The following PLPPR1 variants were observed in gnomAD, a reference collection of about 807,000 sequenced individuals.
PLPPR1 encodes phospholipid phosphatase-related protein type 1.
Under a neutral mutation model 33.1 loss-of-function variants are expected in PLPPR1, and 10 were observed. The ratio of observed to expected loss-of-function variants is 0.30; its 90% CI spans 0.19 to 0.51. PLPPR1 has a LOEUF of 0.51. PLPPR1 is among the 20% of genes least tolerant of loss of function. The probability of loss-of-function intolerance (pLI) is 0.97; values close to 1 mark genes in which losing one functional copy is unlikely to be tolerated. For synonymous variants in PLPPR1, 151 were observed against 151.0 expected, an observed-to-expected ratio of 1.00 and a Z score of 0.00; for missense variants, 304 against 408.1, an observed-to-expected ratio of 0.74 and a Z score of 2.20.
intron 2 of PLPPR1, among the ~76,000 whole-genome samples, chr9:101,219,449 C>T (rs1013120575): frequency 7.2e-5 from 11 of 152,228 alleles, no homozygotes; most frequent in Non-Finnish European, 1.0e-4. Context: ...TGCTCTCTAT[C>T]TAGGAATATC....
At chr9:101,222,580 A>G (rs762309830) in intron 2 of PLPPR1, among the ~76,000 whole-genome samples, 3 of 152,200 alleles carry the variant, frequency 2.0e-5, no homozygotes, top group Non-Finnish European at 4.4e-5. Context: ...AGGACATTTT[A>G]CACTAACAAA....
intron 4 of PLPPR1, among the ~76,000 whole-genome samples, chr9:101,298,657 C>A (rs540357502): frequency 3.3e-5 from 5 of 152,150 alleles, no homozygotes; most frequent in African/African-American, 1.2e-4. Flanking sequence ...ATTCAACCTT[C>A]AATGAAATAG....
chr9:101,217,061 T>G (rs1015396827), intron 2 of PLPPR1, among the ~76,000 whole-genome samples: 1 of 152,200 alleles, frequency 6.6e-6, no homozygotes, highest in Non-Finnish European at 1.5e-5. Context: ...TAAAGTAGAT[T>G]AGCGTATAAC....
chr9:101,298,971 A>C (rs7030643), intron 4 of PLPPR1, among the ~76,000 whole-genome samples: 7,558 of 152,242 alleles, frequency 0.05, 570 homozygotes, highest in African/African-American at 0.16. Context: ...TCCCAGGGAA[A>C]CAGATGCCCA....
At chr9:101,171,018 GGTAAGAGT>G in intron 1 of PLPPR1, among the ~76,000 whole-genome samples, 1 of 152,064 alleles carries the variant, frequency 6.6e-6, no homozygotes, top group African/African-American at 2.4e-5. Context: ...AATATAGAGG[GGTAAGAGT>G]GTTCTAGGCC....
At chr9:101,299,235 G>A (rs1021600418) in intron 4 of PLPPR1, among the ~76,000 whole-genome samples, 5 of 152,186 alleles carry the variant, frequency 3.3e-5, no homozygotes, top group Non-Finnish European at 7.3e-5. Flanking sequence ...AATCTTCAGG[G>A]AACAAAATGG....
At chr9:101,254,697 G>C (rs954711345) in intron 2 of PLPPR1, among the ~76,000 whole-genome samples, 1 of 151,346 alleles carries the variant, frequency 6.6e-6, no homozygotes, top group Admixed American at 6.6e-5. Context: ...GCTTAGAAAA[G>C]TATTAGACAT....
At chr9:101,201,242 C>T (rs1564173997) in intron 2 of PLPPR1, among the ~76,000 whole-genome samples, 1 of 152,130 alleles carries the variant, frequency 6.6e-6, no homozygotes, top group Admixed American at 6.5e-5. Flanking sequence ...TTTTAAAGAT[C>T]CCATCTCTCA....
chr9:101,033,051 A>G (rs1390666325), intron 1 of PLPPR1, among the ~76,000 whole-genome samples: 2 of 152,186 alleles, frequency 1.3e-5, no homozygotes, highest in African/African-American at 2.4e-5. Context: ...ATCTCACTTA[A>G]AGAGCTCATT....
chr9:101,295,026 T>G (rs895427228), intron 4 of PLPPR1, among the ~76,000 whole-genome samples: 2 of 152,202 alleles, frequency 1.3e-5, no homozygotes, highest in African/African-American at 2.4e-5. Context: ...TGTTTGCAGA[T>G]GACATGATTG....
At chr9:101,140,554 T>C (rs945178530) in intron 1 of PLPPR1, among the ~76,000 whole-genome samples, 3 of 152,206 alleles carry the variant, frequency 2.0e-5, no homozygotes, top group Admixed American at 2.0e-4. Flanking sequence ...CCCATTTAAA[T>C]AGCTCTTCAT....
chr9:101,295,074 C>G (rs1828596705), intron 4 of PLPPR1, among the ~76,000 whole-genome samples: 1 of 152,134 alleles, frequency 6.6e-6, no homozygotes, highest in Non-Finnish European at 1.5e-5. Context: ...CCCAAAATCT[C>G]CTTAAGCTGA....
intron 1 of PLPPR1, among the ~76,000 whole-genome samples, chr9:101,171,214 G>T (rs4742808): frequency 0.37 from 55,779 of 151,828 alleles, 10,855 homozygotes; most frequent in Non-Finnish European, 0.43. Flanking sequence ...GGAGAATGAG[G>T]TATTTGTGAT....
chr9:101,209,148 G>A (rs1826639999), intron 2 of PLPPR1, among the ~76,000 whole-genome samples: 1 of 152,194 alleles, frequency 6.6e-6, no homozygotes, highest in South Asian at 2.1e-4. Context: ...AGTCTGTGGG[G>A]TAGGGCCCAG....
At chr9:101,260,775 G>A (rs902564452) in intron 2 of PLPPR1, among the ~76,000 whole-genome samples, 1 of 152,144 alleles carries the variant, frequency 6.6e-6, no homozygotes, top group Non-Finnish European at 1.5e-5. Flanking sequence ...TGGAAGCCAC[G>A]AAAAGAGATG....
chr9:101,146,100 C>T (rs1002031663), intron 1 of PLPPR1, among the ~76,000 whole-genome samples: 1 of 152,138 alleles, frequency 6.6e-6, no homozygotes, highest in Non-Finnish European at 1.5e-5. Context: ...TACTACTTCC[C>T]TCTGTCTCCC....
chr9:101,133,201 T>C (rs1406739516), intron 1 of PLPPR1, among the ~76,000 whole-genome samples: 1 of 152,216 alleles, frequency 6.6e-6, no homozygotes, highest in Non-Finnish European at 1.5e-5. Context: ...GGTCTGTCTC[T>C]CTTATATTAC....
chr9:101,033,272 G>A (rs531940368), intron 1 of PLPPR1, among the ~76,000 whole-genome samples: 1 of 152,326 alleles, frequency 6.6e-6, no homozygotes, highest in East Asian at 1.9e-4. Context: ...GCAAATCCAA[G>A]ATAGCACTTC....
chr9:101,239,932 G>C (rs1372543586), intron 2 of PLPPR1, among the ~76,000 whole-genome samples: 1 of 151,916 alleles, frequency 6.6e-6, no homozygotes, highest in Non-Finnish European at 1.5e-5. Context: ...TGTTGTTGTT[G>C]CCTGTGCTTT....
Sources: allele counts gnomAD v4.1 joint callset (sites outside exome capture counted in the v4.1 genomes callset), GRCh38; gene constraint gnomAD v4.1.1; transcripts MANE v1.5; gene names NCBI Gene and HGNC (gene_info 2026-07-23, HGNC 2026-07-21).